The following PRKD1 variants were observed in gnomAD, a reference collection of about 807,000 sequenced individuals.
PRKD1 encodes protein kinase D1, also known as serine/threonine-protein kinase D1.
A neutral mutation model predicts 95.9 loss-of-function variants in PRKD1; 63 were observed. The ratio of observed to expected loss-of-function variants is 0.66; its 90% CI spans 0.54 to 0.81. PRKD1 has a LOEUF of 0.81. Among genes scored for constraint, PRKD1 ranks in the 30% least tolerant of loss-of-function variants. The probability of loss-of-function intolerance (pLI) is 0.00; values close to 1 mark genes in which losing one functional copy is unlikely to be tolerated. For synonymous variants in PRKD1, 425 were observed against 423.1 expected, an observed-to-expected ratio of 1.00 and a Z score of -0.05; for missense variants, 1,048 against 1,165.3, an observed-to-expected ratio of 0.90 and a Z score of 1.47.
chr14:29,600,759 G>T (rs1335126818), intron 13 of PRKD1, among the ~76,000 whole-genome samples: 1 of 152,118 alleles, frequency 6.6e-6, no homozygotes, highest in Admixed American at 6.5e-5. Flanking sequence ...GCAGCATTTT[G>T]CTTGACACAT....
Position 29,725,808 on chromosome 14 carries a change from A to T in PRKD1, c.265-134T>A. On this transcript the variant is annotated intron_variant, in intron 1 of 17. Transcript: ENST00000331968. ...TAGATCATTAAAATATTTTAAAATT[A>T]AAAAATAAATAAATGGTAGAGTTGA... is the stretch of plus-strand genomic sequence containing the variant. The T allele has an allele frequency of 9.2e-6, 8 of 873,750 alleles. No homozygotes were observed. In the South Asian group the frequency reaches 1.1e-4, roughly 12 times the overall value. 54.1% of individuals were successfully genotyped at this position (873,750 alleles called of 1,614,324 possible).
In PRKD1 at chr14:29,753,785, C is replaced by T. The variant is rs1887580682; in HGVS notation, c.265-28111G>A. The stretch of plus-strand genomic sequence containing the variant: ...TAGGTACATAAGTCCATAGCCTCTA[C>T]CTGCTATATCATATGCCTTGATGTC... On this transcript the variant is annotated intron_variant, in intron 1 of 17. Coordinates refer to ENST00000331968, the MANE Select transcript of PRKD1 (RefSeq NM_002742.3). Among the ~76,000 whole-genome samples the T allele has an allele frequency of 2.0e-5, 3 of 152,070 alleles. No individual in the cohort carries two copies. In the South Asian group the frequency reaches 6.2e-4, roughly 32 times the overall value.
intron 1 of PRKD1, among the ~76,000 whole-genome samples, chr14:29,909,116 G>A (rs1251132765): frequency 6.6e-6 from 1 of 152,176 alleles, no homozygotes; most frequent in Non-Finnish European, 1.5e-5. Context: ...GCCAGCCCCA[G>A]GCAGTGAGGG....
intron 1 of PRKD1, among the ~76,000 whole-genome samples, chr14:29,791,016 T>A (rs895870341): frequency 6.6e-6 from 1 of 152,186 alleles, no homozygotes; most frequent in Admixed American, 6.5e-5. Flanking sequence ...GGTCTGCTAT[T>A]GTATTCACTC....
At chr14:29,726,386 T>A (rs1031002540) in intron 1 of PRKD1, among the ~76,000 whole-genome samples, 1 of 152,164 alleles carries the variant, frequency 6.6e-6, no homozygotes, top group Admixed American at 6.5e-5. Context: ...AAAGGGCCCT[T>A]TTCTTGTAAT....
chr14:29,736,781 C>T (rs569623577), intron 1 of PRKD1, among the ~76,000 whole-genome samples: 2 of 152,156 alleles, frequency 1.3e-5, no homozygotes, highest in Non-Finnish European at 2.9e-5. Flanking sequence ...TTTTTGACCA[C>T]AGAGCACAAT....
intron 1 of PRKD1, among the ~76,000 whole-genome samples, chr14:29,805,300 T>C (rs1050871919): frequency 1.3e-5 from 2 of 152,198 alleles, no homozygotes; most frequent in African/African-American, 4.8e-5. Flanking sequence ...TATTTGACCA[T>C]AACAGAGAGA....
At chr14:29,891,988 C>T (rs191637435) in intron 1 of PRKD1, among the ~76,000 whole-genome samples, 4 of 152,252 alleles carry the variant, frequency 2.6e-5, no homozygotes, top group Admixed American at 6.5e-5. Context: ...CTGATGAATA[C>T]GTCACACAGT....
intron 1 of PRKD1, among the ~76,000 whole-genome samples, chr14:29,819,082 G>A (rs920217035): frequency 5.9e-5 from 9 of 152,062 alleles, no homozygotes; most frequent in Non-Finnish European, 1.5e-5. Context: ...CTGCATTAAA[G>A]GAAAATAGGG....
At chr14:29,898,880 A>G (rs1181831961) in intron 1 of PRKD1, among the ~76,000 whole-genome samples, 1 of 152,228 alleles carries the variant, frequency 6.6e-6, no homozygotes, top group Non-Finnish European at 1.5e-5. Flanking sequence ...TTAATATTAA[A>G]GACTCCTATC....
intron 1 of PRKD1, among the ~76,000 whole-genome samples, chr14:29,890,707 T>A (rs567932962): frequency 1.3e-5 from 2 of 152,296 alleles, no homozygotes; most frequent in Non-Finnish European, 2.9e-5. Flanking sequence ...GTAACCCTTC[T>A]AAGGGAAGAA....
chr14:29,682,816 T>C (rs1258491370), intron 2 of PRKD1, among the ~76,000 whole-genome samples: 1 of 152,150 alleles, frequency 6.6e-6, no homozygotes, highest in Non-Finnish European at 1.5e-5. Context: ...GTGCTTAAAA[T>C]GCAAAGCTGG....
chr14:29,802,137 T>A (rs1310413584), intron 1 of PRKD1, among the ~76,000 whole-genome samples: 1 of 151,180 alleles, frequency 6.6e-6, no homozygotes, highest in Non-Finnish European at 1.5e-5. Context: ...AGGAGAGAAT[T>A]AATAAATAAA....
chr14:29,867,575 T>C (rs187295157), intron 1 of PRKD1, among the ~76,000 whole-genome samples: 4 of 152,324 alleles, frequency 2.6e-5, no homozygotes, highest in Non-Finnish European at 5.9e-5. Context: ...CTGTGAGCTA[T>C]GACAAAGACT....
intron 13 of PRKD1, among the ~76,000 whole-genome samples, chr14:29,618,534 G>T (rs1471850347): frequency 2.6e-5 from 4 of 152,108 alleles, no homozygotes; most frequent in Admixed American, 6.5e-5. Flanking sequence ...GGGATTCCAG[G>T]CATGAGCCAG....
At chr14:29,841,472 T>A (rs1418118050) in intron 1 of PRKD1, among the ~76,000 whole-genome samples, 3 of 152,196 alleles carry the variant, frequency 2.0e-5, no homozygotes, top group East Asian at 3.9e-4. Flanking sequence ...AGGGTGGGTC[T>A]TTCCCATGTG....
chr14:29,652,044 C>A (rs779039598), intron 4 of PRKD1, among the ~76,000 whole-genome samples: 3 of 152,180 alleles, frequency 2.0e-5, no homozygotes, highest in East Asian at 1.9e-4. Context: ...CCGTGCCTGG[C>A]CCTTTTTTTC....
chr14:29,627,279 AATGAAAAGGTTGCTCCCTT>A (rs1879690421), intron 11 of PRKD1, among the ~76,000 whole-genome samples: 1 of 152,190 alleles, frequency 6.6e-6, no homozygotes, highest in Non-Finnish European at 1.5e-5. Context: ...GTATGGCTAG[AATGAAAAGGTTGCTCCCTT>A]ATTAGTCACC....
intron 1 of PRKD1, among the ~76,000 whole-genome samples, chr14:29,903,224 G>T (rs182507837): frequency 6.6e-6 from 1 of 152,280 alleles, no homozygotes. Flanking sequence ...CCTTCCCTAA[G>T]ACCTCAGTTG....
Sources: gnomAD v4.1 joint callset for allele counts (sites outside exome capture counted in the v4.1 genomes callset) on GRCh38, gnomAD v4.1.1 for gene constraint, MANE v1.5 for transcripts, NCBI Gene and HGNC (gene_info 2026-07-23, HGNC 2026-07-21) for gene names.